The following RBFOX1 variants were observed in gnomAD, a reference collection of about 807,000 sequenced individuals.
RBFOX1 encodes the protein RNA binding fox-1 homolog 1, also known as RNA binding protein fox-1 homolog 1.
In RBFOX1, 8 loss-of-function variants were observed where a neutral mutation model predicts 57.7. The observed-to-expected ratio is 0.14, with a 90% confidence interval of 0.08 to 0.25. The LOEUF is 0.25. Among genes scored for constraint, RBFOX1 ranks in the 10% least tolerant of loss-of-function variants. The pLI is 1.00. For missense variants in RBFOX1, 611 were observed against 548.5 expected, an observed-to-expected ratio of 1.11 and a Z score of -1.14; for synonymous variants, 326 against 222.4, an observed-to-expected ratio of 1.47 and a Z score of -4.15.
chr16:5,805,165 G>T (rs1013256252), intron 3 of RBFOX1, among the ~76,000 whole-genome samples: 17 of 152,102 alleles, frequency 1.1e-4, no homozygotes, highest in African/African-American at 3.1e-4. Context: ...GTTATGGATG[G>T]CACTATGCAG....
At chr16:6,672,543 GAAAGA>G (rs144044469) in intron 3 of RBFOX1, among the ~76,000 whole-genome samples, 5,238 of 151,480 alleles carry the variant, frequency 0.035, 248 homozygotes, top group African/African-American at 0.11. Context: ...AAGAACAGGA[GAAAGA>G]AAAGAAAAGA....
chr16:6,991,954 C>T (rs1457707442), intron 3 of RBFOX1, among the ~76,000 whole-genome samples: 1 of 152,092 alleles, frequency 6.6e-6, no homozygotes, highest in African/African-American at 2.4e-5. Context: ...TGGGGGTGTC[C>T]CAGATCCTGT....
In RBFOX1 at chr16:7,711,421, A is replaced by G. The variant is rs12934685; in HGVS notation, c.*676A>G. On this transcript the variant is annotated 3_prime_UTR_variant, in exon 16 of 16. Transcript: ENST00000550418. ...CCTTTAAACCATTCCACCCGGCAGT[A>G]TTCAGCTTCTTAACCAGTCGCTATT... 6.6e-6 allele frequency: 1 copy of G among 152,538 alleles called. No individual in the cohort carries two copies. Among genetic ancestry groups the G allele is most frequent in the African/African-American group, 2.4e-5 (1 of 41,398 alleles). 9.4% of individuals were successfully genotyped at this position (152,538 alleles called of 1,614,324 possible).
rs111824583 is a variant in RBFOX1, at chr16:6,500,555, G to T, written c.-63-154048G>T. 5.1e-3 allele frequency among the ~76,000 whole-genome samples: 774 copies of T among 152,206 alleles called. 11 individuals are homozygous for T. The highest frequency in any genetic ancestry group is 0.018 in the African/African-American group (730 of 41,530). On this transcript the variant is annotated intron_variant, in intron 2 of 15. Transcript: ENST00000550418. ...TCTCAGGAATGTTCCATAATATTCT[G>T]AACACAATAGAGTCCCTTCCCTCAA...
intron 3 of RBFOX1, among the ~76,000 whole-genome samples, chr16:5,681,474 C>T (rs1226787492): frequency 1.3e-5 from 2 of 151,166 alleles, no homozygotes; most frequent in Admixed American, 6.6e-5. Flanking sequence ...CTGCAACCTC[C>T]CCATCCCCGG....
At chr16:6,661,172 C>G (rs1458353447) in intron 3 of RBFOX1, among the ~76,000 whole-genome samples, 1 of 152,146 alleles carries the variant, frequency 6.6e-6, no homozygotes, top group Non-Finnish European at 1.5e-5. Flanking sequence ...TGATTTTTTA[C>G]TTACTATGAG....
chr16:5,424,750 G>A (rs1264875981), intron 1 of RBFOX1, among the ~76,000 whole-genome samples: 1 of 151,890 alleles, frequency 6.6e-6, no homozygotes, highest in African/African-American at 2.4e-5. Context: ...GTTGGGGTTT[G>A]GTGTATGAAT....
At chr16:7,163,027 G>A (rs1446947408) in intron 4 of RBFOX1, among the ~76,000 whole-genome samples, 1 of 152,168 alleles carries the variant, frequency 6.6e-6, no homozygotes, top group Non-Finnish European at 1.5e-5. Context: ...TTCTTTGTAT[G>A]ATGTCTAAGG....
rs564303684 is a variant in RBFOX1, at chr16:7,273,180, T to C, written c.27+221082T>C. Among the ~76,000 whole-genome samples, 26 of 119,620 alleles carry C rather than the reference T, an allele frequency of 2.2e-4. 2 individuals are homozygous for C. The highest frequency in any genetic ancestry group is 3.6e-4 in the Non-Finnish European group (21 of 58,086). The allele number at this position is 119,620 out of a possible 152,430, so 78.5% of individuals were successfully genotyped here. On this transcript the variant is annotated intron_variant, in intron 4 of 15. Coordinates refer to ENST00000550418, the MANE Select transcript of RBFOX1 (RefSeq NM_018723.4). Reference sequence around the variant, plus strand: ...TTCCTTCTTTCCTCTCTCCCTCCCTTCCTTCCTCCCTTCCTTCCTCCCTCC... The same window carrying C: ...TTCCTTCTTTCCTCTCTCCCTCCCTCCCTTCCTCCCTTCCTTCCTCCCTCC...
chr16:6,468,939 C>A (rs2095112078), intron 2 of RBFOX1, among the ~76,000 whole-genome samples: 1 of 152,102 alleles, frequency 6.6e-6, no homozygotes, highest in Non-Finnish European at 1.5e-5. Flanking sequence ...CCTCTCCCTC[C>A]TTCCACCCTC....
chr16:5,320,209 C>T (rs2064364825), intron 1 of RBFOX1, among the ~76,000 whole-genome samples: 1 of 152,168 alleles, frequency 6.6e-6, no homozygotes, highest in Non-Finnish European at 1.5e-5. Flanking sequence ...TCACTTAGCT[C>T]ATTCTGGTAG....
intron 1 of RBFOX1, among the ~76,000 whole-genome samples, chr16:6,056,397 A>G (rs2095615030): frequency 6.6e-6 from 1 of 152,042 alleles, no homozygotes; most frequent in Non-Finnish European, 1.5e-5. Flanking sequence ...CTTTTCCTCG[A>G]TCTCTCATTC....
Position 7,709,181 on chromosome 16 carries a change from T to TTCC in RBFOX1, c.1071+51_1071+53dup, listed in dbSNP as rs753806347. The TTCC allele has an allele frequency of 1.8e-5, 27 of 1,521,062 alleles. No individual in the cohort carries two copies. In the South Asian group the frequency reaches 1.8e-4, roughly 10 times the overall value. 94.2% of individuals were successfully genotyped at this position (1,521,062 alleles called of 1,614,324 possible). On this transcript the variant is annotated intron_variant, in intron 15 of 15. Coordinates refer to ENST00000550418, the MANE Select transcript of RBFOX1 (RefSeq NM_018723.4). The stretch of plus-strand genomic sequence containing the variant: ...TCACTTCCTCCTGCCTCCCTTCCCT[T>TTCC]TCCCCAGCTGGGACCTCAGTACGGG...
At chr16:6,955,045 A>G (rs1190377469) in intron 3 of RBFOX1, among the ~76,000 whole-genome samples, 1 of 148,510 alleles carries the variant, frequency 6.7e-6, no homozygotes, top group African/African-American at 2.5e-5. Flanking sequence ...AGCCTGGGCA[A>G]CACTGGGAAA....
intron 3 of RBFOX1, among the ~76,000 whole-genome samples, chr16:6,838,241 A>T (rs1202529591): frequency 1.3e-5 from 2 of 151,116 alleles, no homozygotes; most frequent in Non-Finnish European, 1.5e-5. Flanking sequence ...ATGTGTTATC[A>T]TTGTTCATCT....
intron 1 of RBFOX1, among the ~76,000 whole-genome samples, chr16:5,368,600 C>G (rs74003895): frequency 1.3e-5 from 2 of 152,162 alleles, no homozygotes; most frequent in Non-Finnish European, 2.9e-5. Flanking sequence ...CTGCACTACA[C>G]GGTTTCTTAA....
chr16:5,710,779 G>C (rs1424870148), intron 3 of RBFOX1, among the ~76,000 whole-genome samples: 1 of 152,190 alleles, frequency 6.6e-6, no homozygotes, highest in Admixed American at 6.5e-5. Flanking sequence ...GGGACCCCTG[G>C]CGTTTTCTGG....
At chr16:5,785,725 C>T (rs1165067113) in intron 3 of RBFOX1, among the ~76,000 whole-genome samples, 4 of 152,042 alleles carry the variant, frequency 2.6e-5, no homozygotes, top group Admixed American at 2.0e-4. Flanking sequence ...CAGGGTTTCT[C>T]CATGTTGTTC....
At chr16:7,293,954 GT>G (rs1304272642) in intron 4 of RBFOX1, among the ~76,000 whole-genome samples, 1 of 152,130 alleles carries the variant, frequency 6.6e-6, no homozygotes, top group African/African-American at 2.4e-5. Context: ...TAGAGGTGAA[GT>G]CACTTCTAGT....
Sources: gnomAD v4.1 joint callset for allele counts (sites outside exome capture counted in the v4.1 genomes callset) on GRCh38, gnomAD v4.1.1 for gene constraint, MANE v1.5 for transcripts, NCBI Gene and HGNC (gene_info 2026-07-23, HGNC 2026-07-21) for gene names.